CRYBG3: variants seen among roughly 807,000 people sequenced by gnomAD.
CRYBG3 encodes crystallin beta-gamma domain containing 3.
In CRYBG3, 127 loss-of-function variants were observed where a neutral mutation model predicts 244.2. The ratio of observed to expected loss-of-function variants is 0.52; its 90% CI spans 0.45 to 0.60. CRYBG3 has a LOEUF of 0.60. Ranked by LOEUF, CRYBG3 falls within the 20% of genes least tolerant of loss-of-function variation. The probability of loss-of-function intolerance (pLI) is 0.00; values close to 1 mark genes in which losing one functional copy is unlikely to be tolerated. For missense variants in CRYBG3, 3,325 were observed against 3,442.5 expected (o/e 0.97, Z 0.85); for synonymous variants, 1,132 against 1,195.8 (o/e 0.95, Z 1.10).
At chr3:97,921,848 TGGGA>T (rs2039987962) in intron 17 of CRYBG3, among the ~76,000 whole-genome samples, 1 of 152,140 alleles carries the variant, frequency 6.6e-6, no homozygotes, top group African/African-American at 2.4e-5. Flanking sequence ...TGCATTTCCA[TGGGA>T]GCAGTAGTTA....
Position 97,910,039 on chromosome 3 carries a change from T to C in CRYBG3, c.8005-2128T>C, listed in dbSNP as rs528963029. 2.6e-5 allele frequency among the ~76,000 whole-genome samples: 4 copies of C among 151,800 alleles called. 1 individual carries two copies. Among genetic ancestry groups the C allele is most frequent in the African/African-American group, 9.7e-5 (4 of 41,126 alleles). On this transcript the variant is annotated intron_variant, in intron 15 of 21. Transcript: ENST00000389622. The stretch of plus-strand genomic sequence containing the variant: ...GTGTCAGTGTGCCCCTGCCTGGGGG[T>C]GCCTCCCAGTTAGGCTGCTCAGGGG...
chr3:97,822,784 G>C (rs1182905264), intron 1 of CRYBG3, among the ~76,000 whole-genome samples: 1 of 152,234 alleles, frequency 6.6e-6, no homozygotes, highest in Non-Finnish European at 1.5e-5. Context: ...GGGAATTGGG[G>C]GCGCGATCCC....
At chr3:97,845,815 A>G (rs148171844) in intron 2 of CRYBG3, among the ~76,000 whole-genome samples, 1 of 152,208 alleles carries the variant, frequency 6.6e-6, no homozygotes, top group African/African-American at 2.4e-5. Context: ...CTTTAAATAT[A>G]TAAAATTAAA....
intron 10 of CRYBG3, 128 bp downstream of exon 10, chr3:97,889,518 G>A (rs2039549063): frequency 1.3e-6 from 1 of 779,294 alleles, no homozygotes; most frequent in East Asian, 2.6e-5. Flanking sequence ...GGATTTTGGG[G>A]AGGTGGGAAG....
In CRYBG3 at chr3:97,872,460, A is replaced by T; in HGVS notation, c.1266A>T (p.Gln422His). The change falls in exon 4 of 22, where the codon CAA (glutamine) becomes CAT (histidine). Residue 422 changes from glutamine to histidine, a missense_variant. Gln to His is a conservative substitution (Grantham distance 24). This residue lies in a region of CRYBG3 where 1,526 missense variants were observed against 1,443.2 expected (regional missense o/e 1.06). Transcript: ENST00000389622. ...STVMSNRTLV[Q>H]REELVEPQGP... ...TGATGAGTAATAGGACATTGGTGCA[A>T]AGAGAGGAGCTTGTTGAGCCTCAGG... 6.5e-7 allele frequency: 1 copy of T among 1,536,040 alleles called. No individual in the cohort carries two copies. The highest frequency in any genetic ancestry group is 2.4e-5 in the East Asian group (1 of 40,918).
intron 15 of CRYBG3, among the ~76,000 whole-genome samples, chr3:97,904,634 C>T (rs1037251172): frequency 2.0e-5 from 3 of 151,510 alleles, no homozygotes; most frequent in South Asian, 2.1e-4. Flanking sequence ...ACAAGACAAC[C>T]TGTCTCTCTT....
intron 1 of CRYBG3, 145 bp from the exon 2 acceptor site, chr3:97,843,050 A>G: frequency 1.9e-6 from 1 of 528,176 alleles, no homozygotes; most frequent in Non-Finnish European, 3.3e-6. Context: ...AGAGATTCAA[A>G]TCAATATATC....
intron 17 of CRYBG3, chr3:97,933,471 T>G (rs1158633033): frequency 1.6e-6 from 1 of 609,456 alleles, no homozygotes; most frequent in African/African-American, 1.9e-5. Flanking sequence ...TGAGATTGAT[T>G]GCTTTTCTGA....
At chr3:97,885,970 T>C (rs1203674279) in intron 7 of CRYBG3, among the ~76,000 whole-genome samples, 2 of 152,118 alleles carry the variant, frequency 1.3e-5, no homozygotes, top group African/African-American at 4.8e-5. Context: ...TAAGAAGAGA[T>C]ATGCATGAGG....
chr3:97,913,772 T>G (rs188598532), intron 16 of CRYBG3, among the ~76,000 whole-genome samples: 109 of 152,320 alleles, frequency 7.2e-4, no homozygotes, highest in African/African-American at 2.4e-3. Flanking sequence ...AAAATTGTAT[T>G]AATACTTACG....
chr3:97,878,908 T>TA (rs2039414430), intron 4 of CRYBG3, among the ~76,000 whole-genome samples: 1 of 152,188 alleles, frequency 6.6e-6, no homozygotes, highest in South Asian at 2.1e-4. Context: ...GAATGCTTAT[T>TA]AAATATGGGA....
rs1179633986 is a variant in CRYBG3 at position 97,873,875 on chromosome 3, TAGG to T, written c.2684_2686del (p.Gly895del). ...TTTCAATCAATTAATCATAATGAGATAGGAGAGAAATGTTCAGATGCTGGCCTT... is the reference window on the plus strand; with the variant it reads ...TTTCAATCAATTAATCATAATGAGATAGAGAAATGTTCAGATGCTGGCCTT... On this transcript the variant is annotated inframe_deletion, in exon 4 of 22. Transcript: ENST00000389622. 5 of 1,535,762 alleles carry T rather than the reference TAGG, an allele frequency of 3.3e-6. No individual in the cohort carries two copies. In the African/African-American group the frequency reaches 5.5e-5, roughly 17 times the overall value.
intron 1 of CRYBG3, among the ~76,000 whole-genome samples, chr3:97,836,539 G>A (rs763256313): frequency 1.3e-5 from 2 of 152,108 alleles, no homozygotes; most frequent in Non-Finnish European, 2.9e-5. Context: ...GCCAGTGCAC[G>A]AAAGTCAATT....
Position 97,877,110 on chromosome 3 carries a change from CAAGAG to C in CRYBG3, c.5917_5921del (p.Lys1973GlufsTer6). 6.2e-7 allele frequency: 1 copy of C among 1,613,268 alleles called. No individual in the cohort carries two copies. Among genetic ancestry groups the C allele is most frequent in the Non-Finnish European group, 8.5e-7 (1 of 1,179,504 alleles). ...GAATGTCTCTTACTGCAATATATGA[CAAGAG>C]GAGAGAGACAGATTATAGTGACAAA... On this transcript the variant is annotated frameshift_variant, in exon 4 of 22. Transcript: ENST00000389622. LOFTEE classifies it high-confidence loss of function.
intron 1 of CRYBG3, among the ~76,000 whole-genome samples, chr3:97,836,188 C>T (rs1034702914): frequency 6.6e-6 from 1 of 152,066 alleles, no homozygotes; most frequent in African/African-American, 2.4e-5. Flanking sequence ...GACTGTGAAG[C>T]AACAGAGCCT....
intron 1 of CRYBG3, among the ~76,000 whole-genome samples, chr3:97,833,276 C>T (rs1229841537): frequency 5.3e-5 from 8 of 152,114 alleles, no homozygotes; most frequent in Admixed American, 5.2e-4. Flanking sequence ...ATGTTTATTG[C>T]AGCACTGTAC....
At chr3:97,851,131 CAAAAA>C (rs11393717) in intron 2 of CRYBG3, among the ~76,000 whole-genome samples, 1 of 94,200 alleles carries the variant, frequency 1.1e-5, no homozygotes, top group Non-Finnish European at 2.4e-5. Flanking sequence ...AGACTGTCTC[CAAAAA>C]AAAAAAAAAA....
At chr3:97,894,679 A>C (rs983609068) in intron 11 of CRYBG3, among the ~76,000 whole-genome samples, 1 of 152,138 alleles carries the variant, frequency 6.6e-6, no homozygotes, top group Non-Finnish European at 1.5e-5. Flanking sequence ...TGATCCTTTA[A>C]GGTCTTTTAT....
intron 1 of CRYBG3, among the ~76,000 whole-genome samples, chr3:97,835,633 T>C (rs916993225): frequency 4.6e-5 from 7 of 152,078 alleles, no homozygotes; most frequent in African/African-American, 4.8e-5. Flanking sequence ...TTTATATGTG[T>C]GTGTAAATGT....
Sources: allele counts gnomAD v4.1 joint callset (sites outside exome capture counted in the v4.1 genomes callset), GRCh38; gene constraint gnomAD v4.1.1; regional missense constraint gnomAD v4.1.1; transcripts MANE v1.5; gene names NCBI Gene and HGNC (gene_info 2026-07-23, HGNC 2026-07-21).